MYO16: variants seen among roughly 807,000 people sequenced by gnomAD.
The protein encoded by MYO16 is myosin XVI, also known as unconventional myosin-XVI.
Under a neutral mutation model 205.3 loss-of-function variants are expected in MYO16, and 94 were observed. The observed-to-expected ratio is 0.46, with a 90% confidence interval of 0.39 to 0.54. The LOEUF (loss-of-function observed/expected upper bound fraction) is 0.54. Among genes scored for constraint, MYO16 ranks in the 20% least tolerant of loss-of-function variants. The pLI is 0.00. For synonymous variants in MYO16, 988 were observed against 954.0 expected (o/e 1.04, Z -0.66); for missense variants, 2,315 against 2,387.5 (o/e 0.97, Z 0.63).
At chr13:108,728,760 A>G (rs1006316197) in intron 4 of MYO16, among the ~76,000 whole-genome samples, 3 of 149,226 alleles carry the variant, frequency 2.0e-5, no homozygotes, top group Non-Finnish European at 3.0e-5. Flanking sequence ...TCACATCTCC[A>G]AAGACCTTAT....
chr13:108,873,042 T>G (rs1432680010), intron 12 of MYO16, among the ~76,000 whole-genome samples: 1 of 152,216 alleles, frequency 6.6e-6, no homozygotes, highest in Non-Finnish European at 1.5e-5. Flanking sequence ...TAGTGCCTAG[T>G]AAATAATATC....
intron 4 of MYO16, among the ~76,000 whole-genome samples, chr13:108,738,222 A>G (rs926154898): frequency 6.6e-6 from 1 of 151,914 alleles, no homozygotes; most frequent in African/African-American, 2.4e-5. Context: ...TTTAATTGAG[A>G]TGTTAGGGTG....
intron 13 of MYO16, among the ~76,000 whole-genome samples, chr13:108,886,239 A>G (rs1879875292): frequency 1.3e-5 from 2 of 152,070 alleles, no homozygotes; most frequent in African/African-American, 2.4e-5. Context: ...CGCCCACCAC[A>G]GCCTCTCAAA....
chr13:109,009,963 T>G (rs1885536279), intron 22 of MYO16, among the ~76,000 whole-genome samples: 1 of 152,210 alleles, frequency 6.6e-6, no homozygotes, highest in East Asian at 1.9e-4. Context: ...ACGGGACGCC[T>G]CAGGCATCTA....
At chr13:109,020,029 A>C in intron 23 of MYO16, 118 bp downstream of exon 23, 1 of 912,478 alleles carries the variant, frequency 1.1e-6, no homozygotes, top group Non-Finnish European at 1.6e-6. Context: ...AAGCTGGATG[A>C]ACAACCCACA....
the MYO16 span, among the ~76,000 whole-genome samples, chr13:108,589,702 C>T: frequency 2.6e-5 from 4 of 152,006 alleles, no homozygotes; most frequent in Non-Finnish European, 5.9e-5. Context: ...CGCTGTCTGT[C>T]TGTCTCTCTC....
At chr13:108,999,915 A>G (rs1054329521) in intron 21 of MYO16, among the ~76,000 whole-genome samples, 1 of 152,184 alleles carries the variant, frequency 6.6e-6, no homozygotes, top group Non-Finnish European at 1.5e-5. Flanking sequence ...TTATTCTATT[A>G]TGTTTAGAAA....
the MYO16 span, among the ~76,000 whole-genome samples, chr13:108,506,564 A>AT: frequency 6.6e-6 from 1 of 151,974 alleles, no homozygotes; most frequent in African/African-American, 2.4e-5. Context: ...TTGCACATGT[A>AT]TGTGTGTATG....
At chr13:109,040,102 C>T (rs1886832929) in intron 23 of MYO16, among the ~76,000 whole-genome samples, 2 of 151,978 alleles carry the variant, frequency 1.3e-5, no homozygotes, top group South Asian at 2.1e-4. Context: ...CCTCAAAAAA[C>T]ACAAGCTACT....
rs534531353 is a variant in MYO16 at position 108,946,743 on chromosome 13, G to A, written c.1926-10945G>A. 3.3e-5 allele frequency among the ~76,000 whole-genome samples: 5 copies of A among 151,968 alleles called. No homozygotes were observed. The South Asian group carries it at 1.0e-3, about 32-fold the overall frequency. The stretch of plus-strand genomic sequence containing the variant: ...TATGGATCTATACAGAGATAGAGAT[G>A]GATTTTTTTTTTTATTGAGATATAG... On this transcript the variant is annotated intron_variant, in intron 16 of 34. Coordinates refer to ENST00000457511, the MANE Select transcript of MYO16 (RefSeq NM_001198950.3).
intron 4 of MYO16, among the ~76,000 whole-genome samples, chr13:108,764,138 C>G (rs1885703805): frequency 6.6e-6 from 1 of 152,134 alleles, no homozygotes; most frequent in South Asian, 2.1e-4. Flanking sequence ...GCAGCCTCAG[C>G]ACAAACATGA....
intron 10 of MYO16, among the ~76,000 whole-genome samples, chr13:108,849,434 G>C (rs1877707817): frequency 6.6e-6 from 1 of 151,830 alleles, no homozygotes; most frequent in Non-Finnish European, 1.5e-5. Context: ...CAGGTGATCT[G>C]CCTGCCTCTG....
intron 4 of MYO16, among the ~76,000 whole-genome samples, chr13:108,778,285 C>G (rs1037923402): frequency 6.6e-6 from 1 of 152,176 alleles, no homozygotes; most frequent in African/African-American, 2.4e-5. Flanking sequence ...AGCTGCTTCC[C>G]CTGGCGAGGA....
intron 1 of MYO16, among the ~76,000 whole-genome samples, chr13:108,658,070 A>C (rs1247160215): frequency 2.0e-5 from 3 of 152,076 alleles, no homozygotes; most frequent in African/African-American, 7.2e-5. Context: ...TTTGGTATCG[A>C]GCTTATGCTT....
intron 2 of MYO16, among the ~76,000 whole-genome samples, chr13:108,672,950 T>A (rs988574772): frequency 6.6e-6 from 1 of 152,198 alleles, no homozygotes; most frequent in African/African-American, 2.4e-5. Context: ...TATTATCTGG[T>A]GCCTTGCAGG....
intron 31 of MYO16, among the ~76,000 whole-genome samples, chr13:109,134,146 A>C (rs1027524089): frequency 6.6e-6 from 1 of 152,218 alleles, no homozygotes; most frequent in Admixed American, 6.5e-5. Flanking sequence ...TCTGTAGAAT[A>C]GCCCTACCTA....
intron 12 of MYO16, among the ~76,000 whole-genome samples, chr13:108,874,859 C>A (rs955878482): frequency 6.6e-6 from 1 of 152,008 alleles, no homozygotes; most frequent in East Asian, 1.9e-4. Flanking sequence ...TAGCATAGTG[C>A]GAAACCAGCA....
chr13:108,631,331 T>A (rs1879971652), intron 1 of MYO16, among the ~76,000 whole-genome samples: 1 of 152,184 alleles, frequency 6.6e-6, no homozygotes, highest in Non-Finnish European at 1.5e-5. Flanking sequence ...GACATGGACG[T>A]GAGAGATTCA....
intron 16 of MYO16, among the ~76,000 whole-genome samples, chr13:108,925,137 C>T (rs1443093537): frequency 3.3e-5 from 5 of 152,038 alleles, no homozygotes; most frequent in Non-Finnish European, 5.9e-5. Flanking sequence ...GGTGGAGTGA[C>T]TTGGGTGTCC....
Sources: allele counts gnomAD v4.1 joint callset (sites outside exome capture counted in the v4.1 genomes callset), GRCh38; gene constraint gnomAD v4.1.1; transcripts MANE v1.5; gene names NCBI Gene and HGNC (gene_info 2026-07-23, HGNC 2026-07-21).